Variants in LCE7A observed in about 807,000 individuals in gnomAD.
LCE7A encodes the protein late cornified envelope 7A.
the LCE7A span, among the ~76,000 whole-genome samples, chr1:152,861,024 A>G: frequency 6.6e-6 from 1 of 152,042 alleles, no homozygotes; most frequent in Non-Finnish European, 1.5e-5. Context: ...ACAGCCAAGG[A>G]CCCGCCCTGA....
chr1:152,860,794 C>A, the LCE7A span, among the ~76,000 whole-genome samples: 1 of 152,216 alleles, frequency 6.6e-6, no homozygotes, highest in African/African-American at 2.4e-5. Context: ...TGCTTCATGT[C>A]CAGCTCCATG....
the LCE7A span, among the ~76,000 whole-genome samples, chr1:152,860,015 A>G: frequency 1.3e-5 from 2 of 152,176 alleles, no homozygotes; most frequent in East Asian, 3.9e-4. Flanking sequence ...TCGTTTGCCC[A>G]GGGTTAAGAG....
chr1:152,861,108 A>T, the LCE7A span, among the ~76,000 whole-genome samples: 2 of 152,140 alleles, frequency 1.3e-5, no homozygotes, highest in Non-Finnish European at 2.9e-5. Flanking sequence ...TCCATAGGTG[A>T]TGGGCTCCCC....
the LCE7A span, among the ~76,000 whole-genome samples, chr1:152,861,023 G>A: frequency 6.6e-6 from 1 of 152,122 alleles, no homozygotes; most frequent in Non-Finnish European, 1.5e-5. Context: ...CACAGCCAAG[G>A]ACCCGCCCTG....
chr1:152,860,972 G>A, the LCE7A span, among the ~76,000 whole-genome samples: 2 of 152,288 alleles, frequency 1.3e-5, no homozygotes, highest in African/African-American at 4.8e-5. Flanking sequence ...TATAGCTCTG[G>A]AGACTGCAGC....
the LCE7A span, among the ~76,000 whole-genome samples, chr1:152,860,207 C>A: frequency 1.3e-5 from 2 of 152,004 alleles, no homozygotes; most frequent in Non-Finnish European, 2.9e-5. Context: ...GTGAAGTTAA[C>A]CAGAGACTGG....
At chr1:152,860,165 G>A in the LCE7A span, among the ~76,000 whole-genome samples, 4 of 152,216 alleles carry the variant, frequency 2.6e-5, no homozygotes, top group South Asian at 2.1e-4. Flanking sequence ...GGCAATCATC[G>A]AGGTGGTTCA....
At chr1:152,860,388 G>C in the LCE7A span, among the ~76,000 whole-genome samples, 1 of 152,246 alleles carries the variant, frequency 6.6e-6, no homozygotes, top group Non-Finnish European at 1.5e-5. Flanking sequence ...TTAGAAGATA[G>C]GATAATAAGT....
the LCE7A span, among the ~76,000 whole-genome samples, chr1:152,860,148 G>A: frequency 3.9e-5 from 6 of 152,154 alleles, no homozygotes; most frequent in Admixed American, 3.9e-4. Flanking sequence ...AGGAAGACCA[G>A]GCTCATGGCA....
the LCE7A span, among the ~76,000 whole-genome samples, chr1:152,860,147 A>C: frequency 6.6e-6 from 1 of 152,164 alleles, no homozygotes; most frequent in Non-Finnish European, 1.5e-5. Context: ...CAGGAAGACC[A>C]GGCTCATGGC....
chr1:152,861,056 T>C, the LCE7A span, among the ~76,000 whole-genome samples: 3 of 152,314 alleles, frequency 2.0e-5, no homozygotes, highest in East Asian at 5.8e-4. Flanking sequence ...CCCTCACTCT[T>C]ACCCTCCTCC....
the LCE7A span, among the ~76,000 whole-genome samples, chr1:152,860,897 T>A: frequency 6.6e-6 from 1 of 152,212 alleles, no homozygotes; most frequent in Admixed American, 6.5e-5. Flanking sequence ...TTTCCACGAT[T>A]CTACCTGCGT....
chr1:152,860,470 G>A, the LCE7A span, among the ~76,000 whole-genome samples: 1 of 152,158 alleles, frequency 6.6e-6, no homozygotes. Context: ...GAGAGAATCA[G>A]GCCAGGCACA....
the LCE7A span, among the ~76,000 whole-genome samples, chr1:152,860,905 C>T: frequency 4.5e-4 from 69 of 152,302 alleles, no homozygotes; most frequent in African/African-American, 1.5e-3. Context: ...ATTCTACCTG[C>T]GTCAGCCCCA....
At chr1:152,860,457 C>A in the LCE7A span, among the ~76,000 whole-genome samples, 3 of 152,246 alleles carry the variant, frequency 2.0e-5, no homozygotes, top group South Asian at 6.2e-4. Flanking sequence ...AGTCAGGAGT[C>A]TTGAGAGAAT....
chr1:152,861,070 C>A, the LCE7A span, among the ~76,000 whole-genome samples: 394 of 152,296 alleles, frequency 2.6e-3, 2 homozygotes, highest in Admixed American at 4.1e-3. Context: ...CTCCTCCTTC[C>A]TTCTCCTCCT....
the LCE7A span, among the ~76,000 whole-genome samples, chr1:152,860,672 T>A: frequency 6.6e-6 from 1 of 152,204 alleles, no homozygotes; most frequent in East Asian, 1.9e-4. Context: ...TGCATTGTTT[T>A]TTAGAGTAAC....
chr1:152,860,741 A>C, the LCE7A span, among the ~76,000 whole-genome samples: 4 of 152,214 alleles, frequency 2.6e-5, no homozygotes, highest in Admixed American at 1.3e-4. Context: ...CTCCCTGCCA[A>C]GTGCCTCCCC....
chr1:152,860,981 G>C, the LCE7A span, among the ~76,000 whole-genome samples: 1 of 152,214 alleles, frequency 6.6e-6, no homozygotes, highest in Non-Finnish European at 1.5e-5. Flanking sequence ...GGAGACTGCA[G>C]CTGACCTGTG....
Sources: allele counts gnomAD v4.1 joint callset (sites outside exome capture counted in the v4.1 genomes callset), GRCh38; gene constraint gnomAD v4.1.1; transcripts MANE v1.5; gene names NCBI Gene and HGNC (gene_info 2026-07-23, HGNC 2026-07-21).